The following RPGRIP1 variants were observed in gnomAD, a reference collection of about 807,000 sequenced individuals.
RPGRIP1 encodes X-linked retinitis pigmentosa GTPase regulator-interacting protein 1.
In RPGRIP1, 128 loss-of-function variants were observed where a neutral mutation model predicts 157.9. The ratio of observed to expected loss-of-function variants is 0.81; its 90% CI spans 0.70 to 0.94. The LOEUF is 0.94. Among genes scored for constraint, RPGRIP1 ranks in the 40% least tolerant of loss-of-function variants. The probability of loss-of-function intolerance (pLI) is 0.00; values close to 1 mark genes in which losing one functional copy is unlikely to be tolerated. For missense variants in RPGRIP1, 1,486 were observed against 1,545.8 expected (o/e 0.96, Z 0.65); for synonymous variants, 554 against 571.6 (o/e 0.97, Z 0.44).
chr14:21,310,576 T>C lies in RPGRIP1; in HGVS notation c.907-8T>C. 1 of 1,368,178 alleles carries C rather than the reference T, an allele frequency of 7.3e-7. No individual in the cohort carries two copies. Among genetic ancestry groups the C allele is most frequent in the South Asian group, 1.4e-5 (1 of 70,120 alleles). The allele number at this position is 1,368,178 out of a possible 1,614,324, so 84.8% of individuals were successfully genotyped here. A position where few individuals can be genotyped will look rare whatever the true frequency, so the allele number is the denominator to read the frequency against. On this transcript the variant is annotated splice_polypyrimidine_tract_variant and splice_region_variant and intron_variant, in intron 7 of 24. Coordinates refer to ENST00000400017, the MANE Select transcript of RPGRIP1 (RefSeq NM_020366.4). ...ATCAATAAAATAATAATAATTTCTT[T>C]CTTCCAGGCATACGAAACCTTGCTC...
intron 6 of RPGRIP1, among the ~76,000 whole-genome samples, chr14:21,303,881 G>A (rs1881155028): frequency 6.6e-6 from 1 of 151,848 alleles, no homozygotes; most frequent in Non-Finnish European, 1.5e-5. Flanking sequence ...CCAGCTACTA[G>A]GGAGGCTGAG....
chr14:21,309,487 C>T (rs12433693), intron 7 of RPGRIP1, among the ~76,000 whole-genome samples: 82,792 of 151,768 alleles, frequency 0.55, 22,675 homozygotes, highest in South Asian at 0.62. Flanking sequence ...GATACGGCAC[C>T]TCAGCGTGAG....
At chr14:21,294,655 T>A in intron 2 of RPGRIP1, 22 bp from the exon 3 acceptor site, 1 of 1,611,098 alleles carries the variant, frequency 6.2e-7, no homozygotes, top group Non-Finnish European at 8.5e-7. Flanking sequence ...TACTGTCCAT[T>A]TACTGTTTTC....
At chr14:21,336,611 T>C (rs1884393304) in intron 21 of RPGRIP1, among the ~76,000 whole-genome samples, 1 of 152,192 alleles carries the variant, frequency 6.6e-6, no homozygotes, top group Admixed American at 6.6e-5. Context: ...TTTTTAGATA[T>C]TATGTAGTTA....
chr14:21,328,221 A>G (rs1457764882), intron 18 of RPGRIP1, among the ~76,000 whole-genome samples: 1 of 152,058 alleles, frequency 6.6e-6, no homozygotes, highest in Non-Finnish European at 1.5e-5. Flanking sequence ...TGTCCTGTGA[A>G]CTTAATATAT....
At chr14:21,305,188 A>G (rs185520366) in intron 6 of RPGRIP1, among the ~76,000 whole-genome samples, 2 of 152,314 alleles carry the variant, frequency 1.3e-5, no homozygotes, top group East Asian at 3.9e-4. Context: ...TTACTCCCCC[A>G]AAAGTCCTCT....
chr14:21,328,603 C>G lies in RPGRIP1; in HGVS notation c.3075C>G (p.Asn1025Lys), dbSNP rs1402279569. 1 of 1,613,166 alleles carries G rather than the reference C, an allele frequency of 6.2e-7. No homozygotes were observed. The highest frequency in any genetic ancestry group is 2.2e-5 in the East Asian group (1 of 44,872). Residue 1025 changes from asparagine (N) to lysine (K), a missense_variant, in exon 19 of 25, where the codon AAC becomes AAG. Physicochemically the swap from Asn to Lys is moderately conservative, Grantham distance 94 (BLOSUM62 0). Coordinates refer to ENST00000400017, the MANE Select transcript of RPGRIP1 (RefSeq NM_020366.4). ...ATAGAATGGAGTATCTTAGCCTTAA[C>G]ATCTTAAATGGAAATACACCAGAGG... ...GKNRMEYLSL[N>K]ILNGNTPEQV...
At position 21,312,428 on chromosome 14, in the gene RPGRIP1, C is replaced by G; in HGVS notation, c.1078-5C>G. ...TTTTATCTCAAGGGCTACTATCACT[C>G]TTAGTTTCAGGAGAGAGTTGAAGAT... On this transcript the variant is annotated splice_region_variant and splice_polypyrimidine_tract_variant and intron_variant, in intron 9 of 24. Coordinates refer to ENST00000400017, the MANE Select transcript of RPGRIP1 (RefSeq NM_020366.4). 1 of 1,596,880 alleles carries G rather than the reference C, an allele frequency of 6.3e-7. No individual in the cohort carries two copies.
At chr14:21,350,141 C>T (rs541942766) in intron 24 of RPGRIP1, among the ~76,000 whole-genome samples, 23 of 152,010 alleles carry the variant, frequency 1.5e-4, no homozygotes, top group Non-Finnish European at 2.9e-4. Context: ...TTTGGGATGC[C>T]GAGATGGGCG....
intron 6 of RPGRIP1, among the ~76,000 whole-genome samples, chr14:21,305,846 G>A (rs1349566394): frequency 1.3e-5 from 2 of 152,030 alleles, no homozygotes; most frequent in African/African-American, 4.8e-5. Context: ...GGGCAACAGA[G>A]CAAGACTCTG....
intron 8 of RPGRIP1, chr14:21,310,857 C>A: frequency 1.5e-6 from 1 of 674,692 alleles, no homozygotes; most frequent in South Asian, 1.4e-5. Context: ...TATTTTTAAG[C>A]CTATTGCTGG....
At chr14:21,319,170 T>A (rs571898964) in intron 11 of RPGRIP1, among the ~76,000 whole-genome samples, 71 of 152,232 alleles carry the variant, frequency 4.7e-4, no homozygotes, top group African/African-American at 1.6e-3. Context: ...ACAAATGAAG[T>A]CTTGTAAGGA....
intron 1 of RPGRIP1, among the ~76,000 whole-genome samples, chr14:21,284,277 G>A (rs1257803375): frequency 6.6e-6 from 1 of 152,074 alleles, no homozygotes; most frequent in Non-Finnish European, 1.5e-5. Context: ...GACAAGTCAA[G>A]CTAGCTTCAA....
At chr14:21,325,500 T>C (rs970732882) in intron 16 of RPGRIP1, 117 bp downstream of exon 16, 5 of 1,003,672 alleles carry the variant, frequency 5.0e-6, no homozygotes, top group African/African-American at 4.9e-5. Context: ...AAGAGAAAAC[T>C]GTCACACCAC....
intron 6 of RPGRIP1, 120 bp downstream of exon 6, chr14:21,303,663 T>A: frequency 1.3e-6 from 1 of 756,320 alleles, no homozygotes; most frequent in Non-Finnish European, 2.1e-6. Flanking sequence ...TCAATCGGAG[T>A]AGTAGACACG....
chr14:21,297,618 A>G (rs772464613), intron 3 of RPGRIP1, among the ~76,000 whole-genome samples: 3 of 152,162 alleles, frequency 2.0e-5, no homozygotes, highest in Non-Finnish European at 2.9e-5. Context: ...GAACATACCA[A>G]CAGTTGAGCA....
At chr14:21,329,945 C>T (rs1399768792) in intron 19 of RPGRIP1, among the ~76,000 whole-genome samples, 1 of 150,730 alleles carries the variant, frequency 6.6e-6, no homozygotes, top group African/African-American at 2.4e-5. Context: ...TGGTGAAACC[C>T]CATCTCTACT....
intron 21 of RPGRIP1, among the ~76,000 whole-genome samples, chr14:21,342,804 G>A (rs1206566439): frequency 1.3e-5 from 2 of 152,150 alleles, no homozygotes; most frequent in East Asian, 1.9e-4. Flanking sequence ...GACTGTGAGA[G>A]AGAAGAGCTG....
intron 23 of RPGRIP1, 63 bp downstream of exon 23, chr14:21,345,260 G>A (rs1444192918): frequency 8.2e-7 from 1 of 1,224,126 alleles, no homozygotes; most frequent in Non-Finnish European, 1.2e-6. Flanking sequence ...AAAAGTTTGA[G>A]TTTGGTTTTG....
Sources: allele counts gnomAD v4.1 joint callset (sites outside exome capture counted in the v4.1 genomes callset), GRCh38; gene constraint gnomAD v4.1.1; transcripts MANE v1.5; gene names NCBI Gene and HGNC (gene_info 2026-07-23, HGNC 2026-07-21).